The following PDE10A variants were observed in gnomAD, a reference collection of about 807,000 sequenced individuals.
PDE10A encodes the protein phosphodiesterase 10A, also known as cAMP and cAMP-inhibited cGMP 3',5'-cyclic phosphodiesterase 10A.
Under a neutral mutation model 97.7 loss-of-function variants are expected in PDE10A, and 39 were observed. That is an observed-to-expected ratio of 0.40 (90% CI 0.31 to 0.52). PDE10A has a LOEUF of 0.52. Among genes scored for constraint, PDE10A ranks in the 20% least tolerant of loss-of-function variants. PDE10A has a pLI of 0.56. For synonymous variants in PDE10A, 371 were observed against 376.8 expected, an observed-to-expected ratio of 0.98 and a Z score of 0.18; for missense variants, 731 against 1,047.8, an observed-to-expected ratio of 0.70 and a Z score of 4.17.
chr6:165,619,078 TCTA>T (rs1265320659), intron 1 of PDE10A, among the ~76,000 whole-genome samples: 4 of 98,762 alleles, frequency 4.1e-5, no homozygotes, highest in African/African-American at 3.3e-4. Context: ...TGTAGTGTAG[TCTA>T]GTGTAGTCTA....
intron 3 of PDE10A, among the ~76,000 whole-genome samples, chr6:165,454,089 T>C (rs1360494238): frequency 6.6e-6 from 1 of 152,230 alleles, no homozygotes; most frequent in African/African-American, 2.4e-5. Context: ...CTGTTGAGTT[T>C]TGGACTTTTG....
chr6:165,382,740 A>ATGG (rs756312770), intron 17 of PDE10A, among the ~76,000 whole-genome samples: 1 of 148,824 alleles, frequency 6.7e-6, no homozygotes, highest in African/African-American at 2.6e-5. Context: ...GTGATGATTG[A>ATGG]TGATGATGAT....
At chr6:165,903,588 T>C (rs1285231425) in intron 1 of PDE10A, among the ~76,000 whole-genome samples, 3 of 152,174 alleles carry the variant, frequency 2.0e-5, no homozygotes, top group Non-Finnish European at 4.4e-5. Flanking sequence ...AAGACGTCCA[T>C]GTGCATAGAT....
At chr6:165,914,712 C>A (rs1027244096) in intron 1 of PDE10A, among the ~76,000 whole-genome samples, 1 of 152,168 alleles carries the variant, frequency 6.6e-6, no homozygotes, top group African/African-American at 2.4e-5. Flanking sequence ...AAGATTTGCC[C>A]GTTTCAGTTT....
At chr6:165,875,741 T>TTTTTTG (rs1781322096) in intron 1 of PDE10A, among the ~76,000 whole-genome samples, 1 of 36,718 alleles carries the variant, frequency 2.7e-5, no homozygotes, top group South Asian at 1.3e-3. Context: ...GTTTTTTTTT[T>TTTTTTG]TTTTTTGTGT....
chr6:165,949,197 C>T (rs1783874225), intron 1 of PDE10A: 1 of 152,196 alleles, frequency 6.6e-6, no homozygotes, highest in Non-Finnish European at 1.5e-5. Context: ...TTAAACATCA[C>T]GATTAAGCCA....
chr6:165,744,272 G>C (rs12202881), intron 1 of PDE10A, among the ~76,000 whole-genome samples: 38,193 of 152,034 alleles, frequency 0.25, 6,179 homozygotes, highest in Non-Finnish European at 0.36. Context: ...ATAAAAACTT[G>C]CATTTTCAAC....
At chr6:165,974,443 T>C (rs915989090) in intron 1 of PDE10A, among the ~76,000 whole-genome samples, 3 of 152,180 alleles carry the variant, frequency 2.0e-5, no homozygotes, top group Admixed American at 6.5e-5. Context: ...TGTCTGCCCC[T>C]TGTGGGGATG....
In PDE10A at chr6:165,693,476, A is replaced by T. The variant is rs552473462; in HGVS notation, c.-614-149908T>A. ...AACCCAGGAGGCAGAGGTTGCAGTG[A>T]GCTGAGATGGCACCACTGCACTCCA... On this transcript the variant is annotated intron_variant, in intron 1 of 19. Transcript: ENST00000366882. 6.9e-5 allele frequency among the ~76,000 whole-genome samples: 9 copies of T among 129,660 alleles called. No homozygotes were observed. In the South Asian group the frequency reaches 2.5e-3, roughly 36 times the overall value. 85.1% of individuals were successfully genotyped at this position (129,660 alleles called of 152,430 possible).
chr6:165,512,036 T>A (rs1251892651), intron 2 of PDE10A, among the ~76,000 whole-genome samples: 2 of 152,034 alleles, frequency 1.3e-5, no homozygotes, highest in African/African-American at 4.8e-5. Flanking sequence ...AAGTTATTAT[T>A]GCATGGGAAG....
intron 21 of PDE10A, among the ~76,000 whole-genome samples, chr6:165,333,676 G>C (rs142850679): frequency 6.6e-6 from 1 of 152,174 alleles, no homozygotes; most frequent in African/African-American, 2.4e-5. Context: ...CAGTAAAACC[G>C]TGTTTGTGCT....
intron 1 of PDE10A, among the ~76,000 whole-genome samples, chr6:165,912,827 T>C (rs370131781): frequency 1.3e-5 from 2 of 152,324 alleles, no homozygotes; most frequent in African/African-American, 4.8e-5. Flanking sequence ...ATGTCCAGTA[T>C]AAGCAACTGT....
rs996595338 is a variant in PDE10A at position 165,806,833 on chromosome 6, T to G, written c.-615+180696A>C. Among the ~76,000 whole-genome samples the G allele has an allele frequency of 2.0e-5, 3 of 152,296 alleles. No homozygotes were observed. In the East Asian group the frequency reaches 5.8e-4, roughly 29 times the overall value. ...AACCAGAATCAGCCACTTCAGGTATTGGGGTTCATTTAGTCAATTTGAAAG... is the reference window on the plus strand; with the variant it reads ...AACCAGAATCAGCCACTTCAGGTATGGGGGTTCATTTAGTCAATTTGAAAG... On this transcript the variant is annotated intron_variant, in intron 1 of 19. Transcript: ENST00000366882.
At chr6:165,755,526 A>G (rs1305230254) in intron 1 of PDE10A, among the ~76,000 whole-genome samples, 1 of 152,154 alleles carries the variant, frequency 6.6e-6, no homozygotes, top group Non-Finnish European at 1.5e-5. Context: ...ATACGGCACA[A>G]AATTCTAGTC....
At chr6:165,722,934 T>A (rs1162148557) in intron 1 of PDE10A, among the ~76,000 whole-genome samples, 4 of 148,074 alleles carry the variant, frequency 2.7e-5, no homozygotes, top group African/African-American at 5.2e-5. Context: ...ATTTTAAGTT[T>A]TATATATATA....
intron 15 of PDE10A, 37 bp downstream of exon 15, chr6:165,395,144 C>G (rs780247235): frequency 7.5e-7 from 1 of 1,326,012 alleles, no homozygotes; most frequent in Non-Finnish European, 1.1e-6. Flanking sequence ...TTATGTCACC[C>G]AATATTTCAA....
At chr6:165,898,620 T>C (rs1782021025) in intron 1 of PDE10A, among the ~76,000 whole-genome samples, 1 of 151,692 alleles carries the variant, frequency 6.6e-6, no homozygotes, top group Admixed American at 6.6e-5. Context: ...GGGAATCCCA[T>C]ACCCTGAGGG....
intron 2 of PDE10A, among the ~76,000 whole-genome samples, chr6:165,502,974 C>T (rs1238819090): frequency 1.3e-5 from 2 of 152,094 alleles, no homozygotes; most frequent in Admixed American, 6.6e-5. Flanking sequence ...TATAGTTAAA[C>T]TTGATCAGAT....
At chr6:165,449,939 T>A (rs991602381) in intron 4 of PDE10A, among the ~76,000 whole-genome samples, 3 of 152,190 alleles carry the variant, frequency 2.0e-5, no homozygotes, top group African/African-American at 7.2e-5. Flanking sequence ...ATATATTTTA[T>A]AAAGATGTGA....
Sources: allele counts gnomAD v4.1 joint callset (sites outside exome capture counted in the v4.1 genomes callset), GRCh38; gene constraint gnomAD v4.1.1; transcripts MANE v1.5; gene names NCBI Gene and HGNC (gene_info 2026-07-23, HGNC 2026-07-21).